The following EPHA7 variants were observed in gnomAD, a reference collection of about 807,000 sequenced individuals.
The protein encoded by EPHA7 is ephrin type-A receptor 7.
EPHA7 carries 25 observed loss-of-function variants against 112.6 expected under a neutral mutation model. The ratio of observed to expected loss-of-function variants is 0.22; its 90% CI spans 0.16 to 0.31. The LOEUF is 0.31. Among genes scored for constraint, EPHA7 ranks in the 10% least tolerant of loss-of-function variants. EPHA7 has a pLI of 1.00. For synonymous variants in EPHA7, 437 were observed against 406.5 expected (o/e 1.07, Z -0.90); for missense variants, 962 against 1,212.6 (o/e 0.79, Z 3.07).
At chr6:93,367,333 A>G (rs1430203217) in intron 3 of EPHA7, among the ~76,000 whole-genome samples, 3 of 152,180 alleles carry the variant, frequency 2.0e-5, no homozygotes, top group South Asian at 2.1e-4. Context: ...CATATTTACT[A>G]AAGTATCATA....
intron 3 of EPHA7, among the ~76,000 whole-genome samples, chr6:93,370,076 T>A (rs1776711254): frequency 6.6e-6 from 1 of 152,154 alleles, no homozygotes. Context: ...TTTAACATGA[T>A]TCTGTAAGCA....
chr6:93,360,199 T>C (rs1474272135), intron 3 of EPHA7, among the ~76,000 whole-genome samples: 1 of 152,130 alleles, frequency 6.6e-6, no homozygotes, highest in Non-Finnish European at 1.5e-5. Flanking sequence ...ATATATGATC[T>C]TGTCACATTA....
At chr6:93,391,612 T>C (rs1283739548) in intron 3 of EPHA7, among the ~76,000 whole-genome samples, 3 of 151,934 alleles carry the variant, frequency 2.0e-5, no homozygotes, top group Non-Finnish European at 4.4e-5. Flanking sequence ...ACAGAACTTC[T>C]TGACCTGAGA....
chr6:93,361,734 C>T (rs1028718384), intron 3 of EPHA7, among the ~76,000 whole-genome samples: 4 of 152,050 alleles, frequency 2.6e-5, no homozygotes, highest in African/African-American at 9.7e-5. Flanking sequence ...TATACAACAA[C>T]ATTCTAGGAA....
At position 93,240,857 on chromosome 6, in the gene EPHA7, T is replaced by C; in HGVS notation, c.*2569A>G. On this transcript the variant is annotated 3_prime_UTR_variant, in exon 17 of 17. Transcript: ENST00000369303. ...CATTACAATGTTAATTCTTTTTCTC[T>C]TAATATTTGTTTCACATACATGTAT... The C allele has an allele frequency of 4.8e-6, 1 of 207,450 alleles. No individual in the cohort carries two copies. The highest frequency in any genetic ancestry group is 7.3e-5 in the East Asian group (1 of 13,704). 12.9% of individuals were successfully genotyped at this position (207,450 alleles called of 1,614,324 possible).
intron 3 of EPHA7, among the ~76,000 whole-genome samples, chr6:93,404,339 A>G (rs1178396570): frequency 6.6e-6 from 1 of 152,014 alleles, no homozygotes; most frequent in African/African-American, 2.4e-5. Flanking sequence ...GATTTGTATC[A>G]CCTTTCAAGA....
chr6:93,399,921 T>C (rs906958866), intron 3 of EPHA7, among the ~76,000 whole-genome samples: 2 of 152,110 alleles, frequency 1.3e-5, no homozygotes, highest in Non-Finnish European at 2.9e-5. Context: ...TTATCTTTGA[T>C]GATCTTTAAG....
intron 5 of EPHA7, among the ~76,000 whole-genome samples, chr6:93,300,234 C>A (rs983514799): frequency 6.6e-6 from 1 of 152,142 alleles, no homozygotes; most frequent in African/African-American, 2.4e-5. Flanking sequence ...AATAGTACTA[C>A]AATCATAGAA....
At chr6:93,337,354 T>C (rs921067788) in intron 5 of EPHA7, among the ~76,000 whole-genome samples, 7 of 152,174 alleles carry the variant, frequency 4.6e-5, no homozygotes, top group Admixed American at 6.5e-5. Context: ...GCAACAAAAG[T>C]CTATTTTTAT....
chr6:93,417,708 T>A (rs1306017084), intron 1 of EPHA7, among the ~76,000 whole-genome samples: 1 of 152,086 alleles, frequency 6.6e-6, no homozygotes, highest in East Asian at 1.9e-4. Flanking sequence ...AGGTTTCTGA[T>A]CGCTAACGTC....
chr6:93,312,406 C>CA (rs1773586080), intron 5 of EPHA7, among the ~76,000 whole-genome samples: 1 of 150,736 alleles, frequency 6.6e-6, no homozygotes, highest in Admixed American at 6.6e-5. Flanking sequence ...GAGATGGCTC[C>CA]TTTTTTTTTA....
intron 5 of EPHA7, among the ~76,000 whole-genome samples, chr6:93,327,568 T>C (rs1387702340): frequency 1.3e-5 from 2 of 151,444 alleles, no homozygotes; most frequent in African/African-American, 4.8e-5. Flanking sequence ...CTCCCACAAA[T>C]TTTTCTGTCT....
At chr6:93,332,940 T>G (rs1256877282) in intron 5 of EPHA7, among the ~76,000 whole-genome samples, 1 of 151,676 alleles carries the variant, frequency 6.6e-6, no homozygotes, top group Non-Finnish European at 1.5e-5. Flanking sequence ...TATTGGTACA[T>G]TTTGGGTCAT....
chr6:93,406,076 T>G (rs1007552002), intron 3 of EPHA7, among the ~76,000 whole-genome samples: 2 of 150,694 alleles, frequency 1.3e-5, no homozygotes, highest in Admixed American at 1.3e-4. Flanking sequence ...CCTCTTAACA[T>G]TAACAGAAAC....
In EPHA7 at chr6:93,410,772, C is replaced by G. The variant is rs765994473; in HGVS notation, c.561G>C (p.Gln187His). 1 of 1,613,994 alleles carries G rather than the reference C, an allele frequency of 6.2e-7. No individual in the cohort carries two copies. Among genetic ancestry groups the G allele is most frequent in the Non-Finnish European group, 8.5e-7 (1 of 1,179,982 alleles). Residue 187 changes from glutamine (Q) to histidine (H), a missense_variant, in exon 3 of 17, where the codon CAG (glutamine) becomes CAC (histidine). Gln to His is a conservative substitution (Grantham distance 24). Around this residue, in one of 3 missense-constraint regions of EPHA7, gnomAD observed 160 missense variants for 263.6 expected, o/e 0.61. Coordinates refer to ENST00000369303, the MANE Select transcript of EPHA7 (RefSeq NM_004440.4). The surrounding 1 kb of genome is among the most constrained non-coding windows in gnomAD (Gnocchi z 4.0). The part of the protein sequence containing the change: ...LSKKGFYLAF[Q>H]DVGACIALVS... ...CCAAAGCTATGCAAGCCCCTACATCCTGAAAGGCAAGATAGAATCCCTTTT... is the reference window on the plus strand; with the variant it reads ...CCAAAGCTATGCAAGCCCCTACATCGTGAAAGGCAAGATAGAATCCCTTTT...
intron 5 of EPHA7, among the ~76,000 whole-genome samples, chr6:93,338,568 T>C (rs1774988019): frequency 6.6e-6 from 1 of 152,000 alleles, no homozygotes; most frequent in Admixed American, 6.6e-5. Context: ...AAATAGATGT[T>C]CACAAATGTT....
At chr6:93,325,429 C>T (rs1774271277) in intron 5 of EPHA7, among the ~76,000 whole-genome samples, 1 of 151,172 alleles carries the variant, frequency 6.6e-6, no homozygotes, top group Admixed American at 6.6e-5. Context: ...GCGCAAGTGA[C>T]TTAAAATAAA....
intron 15 of EPHA7, among the ~76,000 whole-genome samples, chr6:93,245,891 G>A (rs974122693): frequency 6.6e-6 from 1 of 152,128 alleles, no homozygotes; most frequent in Non-Finnish European, 1.5e-5. Context: ...ACCTCCACAG[G>A]TGCCTAACTT....
At chr6:93,246,770 C>G in intron 15 of EPHA7, 22 bp downstream of exon 15, 1 of 1,567,366 alleles carries the variant, frequency 6.4e-7, no homozygotes, top group Non-Finnish European at 8.7e-7. Context: ...TCCCAGATTC[C>G]ATTCCCTTAG....
Sources: allele counts gnomAD v4.1 joint callset (sites outside exome capture counted in the v4.1 genomes callset), GRCh38; gene constraint gnomAD v4.1.1; regional missense constraint gnomAD v4.1.1; non-coding constraint Gnocchi (gnomAD v3.1); transcripts MANE v1.5; gene names NCBI Gene and HGNC (gene_info 2026-07-23, HGNC 2026-07-21).